Variants in ARHGEF7 observed in about 807,000 individuals in gnomAD.
ARHGEF7 encodes the protein PAK-interacting exchange factor beta.
Under a neutral mutation model 109.8 loss-of-function variants are expected in ARHGEF7, and 33 were observed. The ratio of observed to expected loss-of-function variants is 0.30; its 90% CI spans 0.23 to 0.40. The LOEUF is 0.40. Among genes scored for constraint, ARHGEF7 ranks in the 10% least tolerant of loss-of-function variants. The pLI is 1.00. For missense variants in ARHGEF7, 938 were observed against 1,098.5 expected (o/e 0.85, Z 2.07); for synonymous variants, 458 against 424.6 (o/e 1.08, Z -0.97).
At chr13:111,296,703 TCAG>T (rs913480508) in intron 19 of ARHGEF7, among the ~76,000 whole-genome samples, 182 of 152,290 alleles carry the variant, frequency 1.2e-3, no homozygotes, top group African/African-American at 4.2e-3. Context: ...GAAAAAAAGT[TCAG>T]CACTCAAATG....
chr13:111,226,702 G>C, intron 5 of ARHGEF7, among the ~76,000 whole-genome samples: 1 of 152,210 alleles, frequency 6.6e-6, no homozygotes, highest in South Asian at 2.1e-4. Context: ...TTTTCATGCT[G>C]CTAACACAGC....
intron 2 of ARHGEF7, among the ~76,000 whole-genome samples, chr13:111,204,576 A>G (rs2081559725): frequency 6.6e-6 from 1 of 152,118 alleles, no homozygotes; most frequent in Non-Finnish European, 1.5e-5. Context: ...TAGGCAAACC[A>G]ATGTGCTTTA....
chr13:111,299,346 T>TG (rs202184239), intron 19 of ARHGEF7, among the ~76,000 whole-genome samples: 3,459 of 145,448 alleles, frequency 0.024, 145 homozygotes, highest in African/African-American at 0.084. Flanking sequence ...CATTTTTTTT[T>TG]TTTTTTTTTT....
At chr13:111,187,746 A>C (rs540013050) in intron 2 of ARHGEF7, among the ~76,000 whole-genome samples, 26 of 152,332 alleles carry the variant, frequency 1.7e-4, no homozygotes, top group Non-Finnish European at 2.9e-4. Context: ...TCGGGGTATC[A>C]GTAGGGGAGC....
rs1487495230 is a variant in ARHGEF7 at position 111,120,470 on chromosome 13, A to AAC, written c.165+4780_165+4781insCA. 3.7e-3 allele frequency among the ~76,000 whole-genome samples: 324 copies of AAC among 87,830 alleles called. 1 individual carries two copies. Among genetic ancestry groups the AAC allele is most frequent in the African/African-American group, 0.014 (305 of 21,962 alleles). 57.6% of individuals were successfully genotyped at this position (87,830 alleles called of 152,430 possible). A position where few individuals can be genotyped will look rare whatever the true frequency, so the allele number is the denominator to read the frequency against. ...GCACATACGTAAACACATGCATGTA[A>AAC]ATACACACACACACAGACACATGCG... On this transcript the variant is annotated intron_variant, in intron 1 of 21. Coordinates refer to ENST00000646102, the MANE Select transcript of ARHGEF7 (RefSeq NM_001354046.2).
chr13:111,287,234 C>G (rs928036452), intron 17 of ARHGEF7, among the ~76,000 whole-genome samples: 1 of 152,196 alleles, frequency 6.6e-6, no homozygotes, highest in Non-Finnish European at 1.5e-5. Flanking sequence ...CCACCAGGGC[C>G]CCTGATGAGA....
At chr13:111,146,812 G>A (rs924176378) in intron 1 of ARHGEF7, among the ~76,000 whole-genome samples, 1 of 152,142 alleles carries the variant, frequency 6.6e-6, no homozygotes, top group Non-Finnish European at 1.5e-5. Flanking sequence ...GGATAGCTGT[G>A]GATGCTTCTG....
rs2093622180 is a variant in ARHGEF7, at chr13:111,304,444, C to G, written c.*1331C>G. On this transcript the variant is annotated 3_prime_UTR_variant, in exon 22 of 22. Transcript: ENST00000646102. ...TGGTTTTAAAGTGAGATACACTTTT[C>G]CGTAGAACAAGTGTTCTATCTTTAA... The G allele has an allele frequency of 6.6e-6, 1 of 152,034 alleles. No individual in the cohort carries two copies. Among genetic ancestry groups the G allele is most frequent in the South Asian group, 2.1e-4 (1 of 4,826 alleles). 9.4% of individuals were successfully genotyped at this position (152,034 alleles called of 1,614,324 possible).
In ARHGEF7 at chr13:111,115,620, C is replaced by A; in HGVS notation, c.94C>A (p.Gln32Lys). The A allele has an allele frequency of 7.1e-7, 1 of 1,404,872 alleles. No homozygotes were observed. 87.0% of individuals were successfully genotyped at this position (1,404,872 alleles called of 1,614,324 possible). Residue 32 changes from glutamine (Q) to lysine (K), a missense_variant, in exon 1 of 22, where the codon CAG (glutamine) becomes AAG (lysine). By Grantham distance (53) the Gln-to-Lys change is moderately conservative (BLOSUM62 1). This residue lies in a region of ARHGEF7 where 165 missense variants were observed against 125.8 expected (regional missense o/e 1.31). Coordinates refer to ENST00000646102, the MANE Select transcript of ARHGEF7 (RefSeq NM_001354046.2). ...CATCTCGGACCCGGAGGGCTTTCTG[C>A]AGGCGTCGCTGAAGGATGGGGTGGT... is the stretch of plus-strand genomic sequence containing the variant. The part of the protein sequence containing the change: ...KTISDPEGFL[Q>K]ASLKDGVVLC...
intron 6 of ARHGEF7, among the ~76,000 whole-genome samples, chr13:111,242,630 G>A (rs1396939668): frequency 1.3e-5 from 2 of 152,190 alleles, no homozygotes; most frequent in Admixed American, 1.3e-4. Context: ...ATGGAGGCAG[G>A]GATTCCACTT....
chr13:111,267,606 A>C lies in ARHGEF7; in HGVS notation c.1009A>C (p.Lys337Gln). The C allele has an allele frequency of 6.2e-7, 1 of 1,614,176 alleles. No homozygotes were observed. The change falls in exon 9 of 22, where the codon AAA becomes CAA. Residue 337 changes from lysine to glutamine, a missense_variant. By Grantham distance (53) the Lys-to-Gln change is moderately conservative. Around this residue, in one of 4 missense-constraint regions of ARHGEF7, gnomAD observed 585 missense variants for 723.6 expected, o/e 0.81. Transcript: ENST00000646102. Reference sequence around the variant, plus strand: ...CTTTTTAAACCTGATGCCACAGATGAAAACCCTGTACCTCACGTATTGTGC... The same window carrying C: ...CTTTTTAAACCTGATGCCACAGATGCAAACCCTGTACCTCACGTATTGTGC... ...GCFLNLMPQMKTLYLTYCANH... is the reference protein window; with the variant it reads ...GCFLNLMPQMQTLYLTYCANH...
At chr13:111,126,382 T>C (rs1470351329) in intron 1 of ARHGEF7, among the ~76,000 whole-genome samples, 1 of 150,994 alleles carries the variant, frequency 6.6e-6, no homozygotes, top group African/African-American at 2.4e-5. Flanking sequence ...CCCAGCTACT[T>C]GGGAGGCTGA....
At chr13:111,129,038 T>C (rs947454383) in intron 1 of ARHGEF7, among the ~76,000 whole-genome samples, 6 of 152,116 alleles carry the variant, frequency 3.9e-5, no homozygotes, top group Admixed American at 6.5e-5. Flanking sequence ...CAGAACAGAA[T>C]AGAGGTAGAA....
rs577719928 is a variant in ARHGEF7 at position 111,202,499 on chromosome 13, T to C, written c.253-2790T>C. Among the ~76,000 whole-genome samples the C allele has an allele frequency of 7.2e-5, 11 of 152,294 alleles. No individual in the cohort carries two copies. In the East Asian group the frequency reaches 1.9e-3, roughly 27 times the overall value. ...AAGGAGGCCTGGAGACAATGGAATA[T>C]GGTTTGTACTTCCTTCCCTCCTGCT... On this transcript the variant is annotated intron_variant, in intron 2 of 21. Coordinates refer to ENST00000646102, the MANE Select transcript of ARHGEF7 (RefSeq NM_001354046.2).
chr13:111,271,919 G>A (rs1320697659), intron 9 of ARHGEF7, among the ~76,000 whole-genome samples: 1 of 152,226 alleles, frequency 6.6e-6, no homozygotes, highest in Non-Finnish European at 1.5e-5. Context: ...TTGTTGGCAA[G>A]GGCAGACAGA....
At chr13:111,234,481 G>A (rs2086522757) in intron 6 of ARHGEF7, among the ~76,000 whole-genome samples, 1 of 152,208 alleles carries the variant, frequency 6.6e-6, no homozygotes, top group Non-Finnish European at 1.5e-5. Context: ...TGAACAGAAT[G>A]GCGGGTGCCT....
chr13:111,159,455 C>T (rs1316210786), intron 2 of ARHGEF7, among the ~76,000 whole-genome samples: 1 of 152,204 alleles, frequency 6.6e-6, no homozygotes, highest in East Asian at 1.9e-4. Flanking sequence ...TTGGAGGAAC[C>T]TCCATACTGT....
Position 111,115,466 on chromosome 13 carries a change from C to A in ARHGEF7, c.-61C>A. 1 of 1,014,546 alleles carries A rather than the reference C, an allele frequency of 9.9e-7. No individual in the cohort carries two copies. The highest frequency in any genetic ancestry group is 1.2e-6 in the Non-Finnish European group (1 of 850,674). The allele number at this position is 1,014,546 out of a possible 1,614,324, so 62.8% of individuals were successfully genotyped here. On this transcript the variant is annotated 5_prime_UTR_variant, in exon 1 of 22. Transcript: ENST00000646102. The stretch of plus-strand genomic sequence containing the variant: ...GGCGGCGGCGGCGGGGGCCGCGGGC[C>A]GGGCCGCCGCTCCGAGGTGAAGGCG...
At chr13:111,227,439 C>T (rs4773337) in intron 5 of ARHGEF7, among the ~76,000 whole-genome samples, 46,360 of 152,150 alleles carry the variant, frequency 0.3, 8,021 homozygotes, top group Non-Finnish European at 0.39. Context: ...CAAGGCAAGA[C>T]CCTCTACAAA....
Sources: gnomAD v4.1 joint callset for allele counts (sites outside exome capture counted in the v4.1 genomes callset) on GRCh38, gnomAD v4.1.1 for gene constraint, gnomAD v4.1.1 regional missense constraint, MANE v1.5 for transcripts, NCBI Gene and HGNC (gene_info 2026-07-23, HGNC 2026-07-21) for gene names.